DMD: variants seen among roughly 807,000 people sequenced by gnomAD.
DMD encodes dystrophin, also known as mutant dystrophin.
DMD carries 63 observed loss-of-function variants against 330.1 expected under a neutral mutation model. The observed-to-expected ratio is 0.19, with a 90% CI of 0.16 to 0.24. The LOEUF (loss-of-function observed/expected upper bound fraction) is 0.24. DMD is among the 10% of genes least tolerant of loss of function. The pLI is 1.00. For missense variants in DMD, 3,344 were observed against 2,684.1 expected (o/e 1.25, Z -5.43); for synonymous variants, 1,223 against 959.8 (o/e 1.27, Z -5.07).
chrX:32,064,601 T>A (rs1209895423), intron 44 of DMD, among the ~76,000 whole-genome samples: 1 of 111,717 alleles, frequency 9.0e-6, no homozygotes, highest in African/African-American at 3.2e-5. Context: ...TACAAAAACT[T>A]AGTAATCCCT....
At chrX:32,289,508 T>C (rs2097457453) in intron 42 of DMD, among the ~76,000 whole-genome samples, 1 of 110,511 alleles carries the variant, frequency 9.0e-6, no homozygotes, top group Non-Finnish European at 1.9e-5. Context: ...TCCCAGGAGG[T>C]TGGGCATTCT....
At chrX:31,687,060 C>T (rs1014079160) in intron 52 of DMD, among the ~76,000 whole-genome samples, 3 of 111,232 alleles carry the variant, frequency 2.7e-5, no homozygotes, top group South Asian at 3.9e-4. Flanking sequence ...TCTAGACACA[C>T]CCTGGGCCAA....
At chrX:31,754,834 T>C (rs1332399273) in intron 51 of DMD, among the ~76,000 whole-genome samples, 2 of 111,591 alleles carry the variant, frequency 1.8e-5, no homozygotes, top group Admixed American at 9.6e-5. Context: ...CATGATTGAA[T>C]TGACACCAAA....
At chrX:32,009,780 T>C (rs777008258) in intron 44 of DMD, among the ~76,000 whole-genome samples, 1 of 111,824 alleles carries the variant, frequency 8.9e-6, no homozygotes, top group Non-Finnish European at 1.9e-5. Flanking sequence ...TCACACCAGA[T>C]GAGCTTCCAA....
rs190710949 is a variant in DMD, at chrX:33,125,076, A to G, written c.31+86206T>C. Among the ~76,000 whole-genome samples the G allele has an allele frequency of 4.4e-4, 48 of 109,235 alleles. No individual in the cohort carries two copies. The East Asian group carries it at 0.012, about 28-fold the overall frequency. 94.9% of individuals were successfully genotyped at this position (109,235 alleles called of 115,157 possible). ...GCTTTATTTTTATGAAGAAAACCAT[A>G]AATTAATGTCATAAATCTTATCTAT... On this transcript the variant is annotated intron_variant, in intron 1 of 78. Transcript: ENST00000357033.
At position 32,390,119 on chromosome X, in the gene DMD, C is replaced by G. The variant is rs747262903; in HGVS notation, c.4296G>C (p.Gln1432His). ...ISLEEMKKHN[Q>H]GKEAAQRVLS... ...GGACTCTTTGGGCAGCCTCCTTCCC[C>G]TGATTATGTTTCTTCATTTCTTCTA... The change falls in exon 31 of 79, where the codon CAG (glutamine) becomes CAC (histidine). Residue 1432 changes from glutamine to histidine, a missense_variant. Coordinates refer to ENST00000357033, the MANE Select transcript of DMD (RefSeq NM_004006.3). 5.0e-6 allele frequency: 6 copies of G among 1,210,890 alleles called. No individual in the cohort carries two copies. In the East Asian group the frequency reaches 1.5e-4, roughly 30 times the overall value.
At chrX:32,827,644 CTTGTTA>C (rs2078824874) in intron 4 of DMD, among the ~76,000 whole-genome samples, 1 of 94,555 alleles carries the variant, frequency 1.1e-5, no homozygotes, top group Non-Finnish European at 2.0e-5. Flanking sequence ...TCCATGTGTT[CTTGTTA>C]TTAACTCCCC....
chrX:31,380,722 C>T (rs2060135956), intron 60 of DMD, among the ~76,000 whole-genome samples: 2 of 110,685 alleles, frequency 1.8e-5, no homozygotes, highest in African/African-American at 6.6e-5. Flanking sequence ...TACCTCCCTC[C>T]ACAACCCATT....
At chrX:32,638,317 A>T (rs748457132) in intron 11 of DMD, among the ~76,000 whole-genome samples, 16 of 112,033 alleles carry the variant, frequency 1.4e-4, no homozygotes, top group South Asian at 1.1e-3. Context: ...AAAGTAATTA[A>T]AATATTTGGC....
intron 2 of DMD, among the ~76,000 whole-genome samples, chrX:32,923,347 G>A (rs2088628655): frequency 9.0e-6 from 1 of 110,738 alleles, no homozygotes. Context: ...GATCACTTGA[G>A]GCCAGGAGTT....
rs887968875 is a variant in DMD, at chrX:32,324,843, A to G, written c.5923-14567T>C. Among the ~76,000 whole-genome samples, 11 of 111,941 alleles carry G rather than the reference A, an allele frequency of 9.8e-5. No homozygotes were observed. The South Asian group carries it at 3.0e-3, about 30-fold the overall frequency. On this transcript the variant is annotated intron_variant, in intron 41 of 78. Coordinates refer to ENST00000357033, the MANE Select transcript of DMD (RefSeq NM_004006.3). ...CACACTGGAAAAAGCATATTCTCCT[A>G]TTTACTTGGGACATCAAAAATTACA...
intron 1 of DMD, among the ~76,000 whole-genome samples, chrX:33,082,095 G>GA (rs1170119536): frequency 9.1e-6 from 1 of 109,544 alleles, no homozygotes; most frequent in African/African-American, 3.3e-5. Flanking sequence ...TTAAAAAAGA[G>GA]AAAAAAATGG....
intron 11 of DMD, among the ~76,000 whole-genome samples, chrX:32,632,927 G>A (rs1047696960): frequency 4.5e-5 from 5 of 112,202 alleles, no homozygotes; most frequent in African/African-American, 1.6e-4. Context: ...TGCCTTCTTT[G>A]TAGGTATACA....
chrX:32,814,838 A>T (rs1249415154), intron 6 of DMD, among the ~76,000 whole-genome samples: 6 of 111,445 alleles, frequency 5.4e-5, no homozygotes, highest in Non-Finnish European at 1.1e-4. Context: ...TGAAGGGAAA[A>T]ACGTTAGAGA....
At chrX:32,860,147 T>A (rs1474212040) in intron 2 of DMD, among the ~76,000 whole-genome samples, 1 of 111,701 alleles carries the variant, frequency 9.0e-6, no homozygotes, top group Non-Finnish European at 1.9e-5. Flanking sequence ...GAAACACAGA[T>A]AGGTAGGTTG....
chrX:32,384,386 C>A (rs1327128548), intron 33 of DMD, among the ~76,000 whole-genome samples: 1 of 110,598 alleles, frequency 9.0e-6, no homozygotes, highest in Non-Finnish European at 1.9e-5. Flanking sequence ...CCAAAGGTAC[C>A]TTGGTAGACC....
At chrX:31,237,601 G>C (rs1466364265) in intron 63 of DMD, among the ~76,000 whole-genome samples, 1 of 112,377 alleles carries the variant, frequency 8.9e-6, no homozygotes, top group East Asian at 2.8e-4. Context: ...CTCTGACATA[G>C]ACTGAGGTGC....
chrX:32,843,224 T>A (rs1218239956), intron 4 of DMD, among the ~76,000 whole-genome samples: 1 of 112,357 alleles, frequency 8.9e-6, no homozygotes, highest in Non-Finnish European at 1.9e-5. Context: ...ATCTAATAAT[T>A]CTGTGTTCCG....
At chrX:32,762,147 T>C (rs1261488616) in intron 7 of DMD, among the ~76,000 whole-genome samples, 1 of 98,947 alleles carries the variant, frequency 1.0e-5, no homozygotes, top group Admixed American at 1.1e-4. Flanking sequence ...CAAGACTCTG[T>C]CTCAAAAAAA....
Sources: gnomAD v4.1 joint callset for allele counts (sites outside exome capture counted in the v4.1 genomes callset) on GRCh38, gnomAD v4.1.1 for gene constraint, MANE v1.5 for transcripts, NCBI Gene and HGNC (gene_info 2026-07-23, HGNC 2026-07-21) for gene names.